The following HIVEP3 variants were observed in gnomAD, a reference collection of about 807,000 sequenced individuals.
HIVEP3 encodes transcription factor HIVEP3.
In HIVEP3, 49 loss-of-function variants were observed where a neutral mutation model predicts 152.8. That is an observed-to-expected ratio of 0.32 (90% CI 0.26 to 0.41). HIVEP3 has a LOEUF of 0.41. Ranked by LOEUF, HIVEP3 falls within the 10% of genes least tolerant of loss-of-function variation. The pLI, the probability that HIVEP3 is intolerant of heterozygous loss-of-function variation, is 1.00. For missense variants in HIVEP3, 2,790 were observed against 3,103.3 expected (o/e 0.90, Z 2.40); for synonymous variants, 1,269 against 1,289.0 (o/e 0.98, Z 0.33).
chr1:41,845,205 A>AACTTATTTAT (rs57130554), intron 1 of HIVEP3, among the ~76,000 whole-genome samples: 71,320 of 151,838 alleles, frequency 0.47, 19,178 homozygotes, highest in African/African-American at 0.75. Context: ...AGAGACTACA[A>AACTTATTTAT]TATGTTTATT....
chr1:42,030,500 A>G (rs1645606976), intron 1 of HIVEP3, among the ~76,000 whole-genome samples: 1 of 152,214 alleles, frequency 6.6e-6, no homozygotes, highest in Non-Finnish European at 1.5e-5. Flanking sequence ...CTCTAAGTAG[A>G]CTTCTTCTCT....
chr1:41,563,638 T>C (rs1569922438), intron 5 of HIVEP3, among the ~76,000 whole-genome samples: 1 of 152,110 alleles, frequency 6.6e-6, no homozygotes, highest in African/African-American at 2.4e-5. Context: ...CTTCCAATCA[T>C]CTTTGAGCCC....
In HIVEP3 at chr1:41,583,027, G is replaced by A; in HGVS notation, c.1771C>T (p.Pro591Ser). Residue 591 changes from proline (P) to serine (S), a missense_variant, in exon 4 of 9, where the codon CCG (proline) becomes TCG (serine). Physicochemically the swap from Pro to Ser is moderately conservative, Grantham distance 74 (BLOSUM62 -1). Transcript: ENST00000372583. This position sits in a 1 kb window ranked among gnomAD's most constrained non-coding sequence, Gnocchi z 6.9. ...TSHPRMLKRQ[P>S]AIELPLGGEY... ...CCTCCCAAAGGTAATTCGATTGCCG[G>A]CTGGCGCTTCAGCATCCGGGGGTGG... 1 of 1,614,078 alleles carries A rather than the reference G, an allele frequency of 6.2e-7. No individual in the cohort carries two copies. The highest frequency in any genetic ancestry group is 2.2e-5 in the East Asian group (1 of 44,872).
intron 1 of HIVEP3, among the ~76,000 whole-genome samples, chr1:41,707,932 G>T (rs1414043421): frequency 6.6e-6 from 1 of 152,246 alleles, no homozygotes; most frequent in East Asian, 1.9e-4. Context: ...GAGTCAGTAA[G>T]CCTGGGGTTT....
intron 5 of HIVEP3, among the ~76,000 whole-genome samples, chr1:41,564,466 G>A (rs1644131155): frequency 6.6e-6 from 1 of 152,160 alleles, no homozygotes; most frequent in African/African-American, 2.4e-5. Flanking sequence ...GCCACTGAGT[G>A]AGAAAACTGA....
rs1205977546 is a variant in HIVEP3 at position 41,686,429 on chromosome 1, C to T, written c.-721+14487G>A. On this transcript the variant is annotated intron_variant, in intron 2 of 8. Coordinates refer to ENST00000372583, the MANE Select transcript of HIVEP3 (RefSeq NM_024503.5). ...GTAATCTCCTCCAGAACAATGGGCC[C>T]ATCGATGTTCAAGATACACAATGGG... Among the ~76,000 whole-genome samples, 3 of 152,134 alleles carry T rather than the reference C, an allele frequency of 2.0e-5. No individual in the cohort carries two copies. The East Asian group carries it at 5.8e-4, about 29-fold the overall frequency.
At chr1:41,788,478 G>C (rs1649499133) in intron 1 of HIVEP3, among the ~76,000 whole-genome samples, 1 of 152,204 alleles carries the variant, frequency 6.6e-6, no homozygotes, top group Non-Finnish European at 1.5e-5. Flanking sequence ...GGAGAGAGAG[G>C]CCTGAGCAGG....
intron 1 of HIVEP3, among the ~76,000 whole-genome samples, chr1:41,993,757 C>A (rs1645377815): frequency 1.3e-5 from 2 of 151,034 alleles, no homozygotes; most frequent in South Asian, 4.2e-4. Context: ...ACCCAAATGT[C>A]CAACAATGAT....
At chr1:41,842,561 TG>T (rs1643320724) in intron 1 of HIVEP3, among the ~76,000 whole-genome samples, 1 of 152,176 alleles carries the variant, frequency 6.6e-6, no homozygotes, top group Non-Finnish European at 1.5e-5. Context: ...CAGGAGGTCT[TG>T]GTGGAAAGAG....
rs570644852 is a variant in HIVEP3, at chr1:41,516,420, A to T, written c.5470+1982T>A. ...ATCTGTCTCGTCGCGGGAAGTGGAA[A>T]CTCCATCCTTCAGTCTCTTGGGCCG... On this transcript the variant is annotated intron_variant, in intron 7 of 8. Transcript: ENST00000372583. Among the ~76,000 whole-genome samples, 109 of 151,460 alleles carry T rather than the reference A, an allele frequency of 7.2e-4. 1 individual carries two copies. The highest frequency in any genetic ancestry group is 1.4e-3 in the Admixed American group (21 of 15,240).
chr1:41,545,068 C>T (rs1163512200), intron 5 of HIVEP3, among the ~76,000 whole-genome samples: 3 of 127,542 alleles, frequency 2.4e-5, no homozygotes, highest in African/African-American at 5.9e-5. Context: ...ACTACCACCA[C>T]CACCAACATC....
At chr1:41,727,792 A>G (rs943739254) in intron 1 of HIVEP3, among the ~76,000 whole-genome samples, 13 of 152,222 alleles carry the variant, frequency 8.5e-5, no homozygotes, top group African/African-American at 3.1e-4. Context: ...CTGGAGTCGT[A>G]GTCAGCTACT....
chr1:41,838,213 C>T (rs540586137), intron 1 of HIVEP3, among the ~76,000 whole-genome samples: 20 of 152,278 alleles, frequency 1.3e-4, no homozygotes, highest in East Asian at 3.9e-4. Context: ...TTTCCCCCAA[C>T]GGTAACATCT....
At chr1:41,708,222 A>T (rs1385124458) in intron 1 of HIVEP3, among the ~76,000 whole-genome samples, 1 of 152,148 alleles carries the variant, frequency 6.6e-6, no homozygotes. Context: ...CATGCAGTTG[A>T]GATTGTACAT....
At chr1:42,026,928 C>T (rs1645585948) in intron 1 of HIVEP3, among the ~76,000 whole-genome samples, 1 of 152,182 alleles carries the variant, frequency 6.6e-6, no homozygotes, top group African/African-American at 2.4e-5. Context: ...TCTCTGGGCT[C>T]TCTCACCATT....
rs202076274 is a variant in HIVEP3, at chr1:41,580,629, G to A, written c.4169C>T (p.Ala1390Val). 38 of 1,614,144 alleles carry A rather than the reference G, an allele frequency of 2.4e-5. No homozygotes were observed. The East Asian group carries it at 7.8e-4, about 33-fold the overall frequency. Residue 1390 changes from alanine (A) to valine (V), a missense_variant, in exon 4 of 9, where the codon GCT becomes GTT. Physicochemically the swap from Ala to Val is moderately conservative, Grantham distance 64 (BLOSUM62 0). Coordinates refer to ENST00000372583, the MANE Select transcript of HIVEP3 (RefSeq NM_024503.5). Reference sequence around the variant, plus strand: ...CACTCTCAGGTATGGAGTTGGGAAAGCTCTGCTTTGCTCTTCACTTAACCC... The same window carrying A: ...CACTCTCAGGTATGGAGTTGGGAAAACTCTGCTTTGCTCTTCACTTAACCC... ...PSGLSEEQSR[A>V]FPTPYLRVPV...
intron 2 of HIVEP3, among the ~76,000 whole-genome samples, chr1:41,635,887 TGAA>T (rs1474642462): frequency 6.6e-6 from 1 of 152,092 alleles, no homozygotes; most frequent in African/African-American, 2.4e-5. Flanking sequence ...ATTGTAAAAC[TGAA>T]GAAGAGGGAG....
At chr1:41,717,538 C>T (rs1169961306) in intron 1 of HIVEP3, among the ~76,000 whole-genome samples, 1 of 152,162 alleles carries the variant, frequency 6.6e-6, no homozygotes, top group African/African-American at 2.4e-5. Context: ...GACATCTGAG[C>T]AAAGGCCTGG....
chr1:42,022,772 A>C (rs1022447071), intron 1 of HIVEP3, among the ~76,000 whole-genome samples: 1 of 152,176 alleles, frequency 6.6e-6, no homozygotes, highest in Non-Finnish European at 1.5e-5. Flanking sequence ...TATGATGTGG[A>C]GTCTTCTCTG....
Sources: allele counts gnomAD v4.1 joint callset (sites outside exome capture counted in the v4.1 genomes callset), GRCh38; gene constraint gnomAD v4.1.1; non-coding constraint Gnocchi (gnomAD v3.1); transcripts MANE v1.5; gene names NCBI Gene and HGNC (gene_info 2026-07-23, HGNC 2026-07-21).